Variants in NUP98 observed in about 807,000 individuals in gnomAD.
NUP98 encodes the protein nucleoporin 98 and 96 precursor, also known as nuclear pore complex protein Nup98-Nup96.
NUP98 carries 26 observed loss-of-function variants against 191.9 expected under a neutral mutation model. The ratio of observed to expected loss-of-function variants is 0.14; its 90% confidence interval spans 0.10 to 0.19. NUP98 has a LOEUF of 0.19. Ranked by LOEUF, NUP98 falls within the 10% of genes least tolerant of loss-of-function variation. The pLI is 1.00. For missense variants in NUP98, 1,941 were observed against 2,178.8 expected (o/e 0.89, Z 2.17); for synonymous variants, 808 against 778.4 (o/e 1.04, Z -0.63).
chr11:3,730,356 C>T (rs2079796335), intron 14 of NUP98, among the ~76,000 whole-genome samples: 1 of 151,782 alleles, frequency 6.6e-6, no homozygotes, highest in Non-Finnish European at 1.5e-5. Context: ...GAAGCAGTTA[C>T]ATTTTCTTTT....
chr11:3,750,353 C>A (rs2080700800), intron 11 of NUP98, among the ~76,000 whole-genome samples: 1 of 152,132 alleles, frequency 6.6e-6, no homozygotes, highest in South Asian at 2.1e-4. Flanking sequence ...ACCTCAGCCT[C>A]CCAAAGACCT....
At chr11:3,700,558 T>C in intron 24 of NUP98, 52 bp downstream of exon 24, 1 of 1,283,190 alleles carries the variant, frequency 7.8e-7, no homozygotes, top group Non-Finnish European at 1.1e-6. Context: ...GAACATACGC[T>C]ACCACCACTA....
At chr11:3,716,242 T>A (rs2079176024) in intron 18 of NUP98, among the ~76,000 whole-genome samples, 1 of 152,338 alleles carries the variant, frequency 6.6e-6, no homozygotes, top group East Asian at 1.9e-4. Context: ...CATTTTGGGT[T>A]AATCTTTGTA....
chr11:3,779,598 G>T (rs1164729418), intron 2 of NUP98, among the ~76,000 whole-genome samples: 1 of 150,604 alleles, frequency 6.6e-6, no homozygotes, highest in African/African-American at 2.4e-5. Context: ...CCAAGATCGT[G>T]CCACTGCACT....
intron 26 of NUP98, among the ~76,000 whole-genome samples, chr11:3,695,201 G>A: frequency 6.6e-6 from 1 of 152,258 alleles, no homozygotes; most frequent in South Asian, 2.1e-4. Context: ...TTTCTGTGAA[G>A]ATAAAATTAT....
intron 5 of NUP98, among the ~76,000 whole-genome samples, chr11:3,774,343 CG>C (rs1288253630): frequency 6.6e-6 from 1 of 151,996 alleles, no homozygotes; most frequent in Non-Finnish European, 1.5e-5. Flanking sequence ...ATCCGAGAAG[CG>C]GAGGTTGCAG....
chr11:3,726,027 G>A (rs533606123), intron 14 of NUP98, among the ~76,000 whole-genome samples: 2 of 152,216 alleles, frequency 1.3e-5, no homozygotes, highest in Non-Finnish European at 2.9e-5. Context: ...TGCCCAGGCT[G>A]GTCTAACTTA....
chr11:3,694,476 C>T (rs1195158118), intron 26 of NUP98, among the ~76,000 whole-genome samples: 3 of 150,940 alleles, frequency 2.0e-5, no homozygotes, highest in African/African-American at 7.3e-5. Context: ...CGCGGTGGCT[C>T]ACGCTTGTAA....
At chr11:3,743,080 G>A (rs1398121781) in intron 12 of NUP98, among the ~76,000 whole-genome samples, 8 of 151,708 alleles carry the variant, frequency 5.3e-5, no homozygotes, top group Non-Finnish European at 7.4e-5. Flanking sequence ...ATGTAGTGGC[G>A]CGATCTCGGC....
At position 3,787,695 on chromosome 11, in the gene NUP98, T is replaced by C. The variant is rs1247556258; in HGVS notation, c.-28-5550A>G. Among the ~76,000 whole-genome samples, 4 of 149,434 alleles carry C rather than the reference T, an allele frequency of 2.7e-5. No individual in the cohort carries two copies. In the East Asian group the frequency reaches 6.2e-4, roughly 23 times the overall value. ...CGCACACCCTTAAACTCTTTATTAGTATAAAAACACTTTAAAGGCCGGGCA... is the reference window on the plus strand; with the variant it reads ...CGCACACCCTTAAACTCTTTATTAGCATAAAAACACTTTAAAGGCCGGGCA... On this transcript the variant is annotated intron_variant, in intron 1 of 32. Coordinates refer to ENST00000324932, the MANE Select transcript of NUP98 (RefSeq NM_016320.5).
chr11:3,705,388 C>A (rs953347423), intron 21 of NUP98, 32 bp from the exon 22 acceptor site: 6 of 1,604,828 alleles, frequency 3.7e-6, no homozygotes, highest in Non-Finnish European at 5.1e-6. Context: ...AATGAATGTG[C>A]TTCCCAGAAT....
intron 2 of NUP98, among the ~76,000 whole-genome samples, chr11:3,780,688 C>G (rs539363128): frequency 2.6e-5 from 4 of 152,024 alleles, no homozygotes; most frequent in Non-Finnish European, 5.9e-5. Context: ...GTAATCCCCT[C>G]GCTTTGGCAG....
chr11:3,762,555 A>C (rs1396675401), intron 9 of NUP98, among the ~76,000 whole-genome samples: 2 of 152,302 alleles, frequency 1.3e-5, no homozygotes, highest in African/African-American at 4.8e-5. Context: ...ATCACCTACA[A>C]AAGAGGGAAG....
At chr11:3,795,858 T>TG (rs2082518089) in intron 1 of NUP98, among the ~76,000 whole-genome samples, 1 of 152,218 alleles carries the variant, frequency 6.6e-6, no homozygotes, top group African/African-American at 2.4e-5. Context: ...ACGGTTCTCT[T>TG]CTGCACTACT....
intron 16 of NUP98, 143 bp downstream of exon 16, chr11:3,723,014 A>T: frequency 2.8e-6 from 2 of 704,370 alleles, no homozygotes; most frequent in African/African-American, 1.8e-5. Context: ...AAACTGTTTA[A>T]ATATTAAGCT....
intron 23 of NUP98, 151 bp from the exon 24 acceptor site, chr11:3,700,990 T>C (rs1240830769): frequency 6.3e-6 from 4 of 638,424 alleles, no homozygotes; most frequent in East Asian, 2.7e-5. Context: ...TCTTAAACTA[T>C]ACTGAACTTA....
intron 6 of NUP98, among the ~76,000 whole-genome samples, chr11:3,772,811 T>TC (rs2081574968): frequency 1.3e-5 from 1 of 77,080 alleles, no homozygotes; most frequent in South Asian, 3.9e-4. Flanking sequence ...AAGACTCGTC[T>TC]CAAAAAAAAA....
At chr11:3,721,007 T>A (rs1313631353) in intron 16 of NUP98, 182 bp from the exon 17 acceptor site, 12 of 431,394 alleles carry the variant, frequency 2.8e-5, no homozygotes, top group South Asian at 1.0e-4. Flanking sequence ...TGTGTGTGTG[T>A]GAAAAGCTTC....
intron 25 of NUP98, among the ~76,000 whole-genome samples, chr11:3,697,820 T>TTAAA (rs772125736): frequency 1.0e-5 from 1 of 97,156 alleles, no homozygotes; most frequent in Non-Finnish European, 1.9e-5. Context: ...GACTCTGTCT[T>TTAAA]AAAAAAAAAA....
Sources: allele counts gnomAD v4.1 joint callset (sites outside exome capture counted in the v4.1 genomes callset), GRCh38; gene constraint gnomAD v4.1.1; transcripts MANE v1.5; gene names NCBI Gene and HGNC (gene_info 2026-07-23, HGNC 2026-07-21).